The following TANC1 variants were observed in gnomAD, a reference collection of about 807,000 sequenced individuals.
TANC1 encodes the protein tetratricopeptide repeat, ankyrin repeat and coiled-coil containing 1, also known as protein TANC1.
Under a neutral mutation model 149.7 loss-of-function variants are expected in TANC1, and 77 were observed. The observed-to-expected ratio is 0.51, with a 90% CI of 0.43 to 0.62. The LOEUF (loss-of-function observed/expected upper bound fraction) is 0.62. Ranked by LOEUF, TANC1 falls within the 20% of genes least tolerant of loss-of-function variation. TANC1 has a pLI of 0.00. For synonymous variants in TANC1, 854 were observed against 925.0 expected (o/e 0.92, Z 1.39); for missense variants, 1,985 against 2,321.8 (o/e 0.85, Z 2.98).
At chr2:159,099,642 T>TA (rs1175630778) in intron 4 of TANC1, among the ~76,000 whole-genome samples, 2 of 152,114 alleles carry the variant, frequency 1.3e-5, no homozygotes, top group Non-Finnish European at 1.5e-5. Flanking sequence ...AGCATGCTAC[T>TA]AAGTTTAGCA....
rs964600314 is a variant in TANC1 at position 159,037,704 on chromosome 2, A to G, written c.-15-28192A>G. ...ATTTCTGAGGCCTCTGTTCTGTTCC[A>G]TTGGTCTATCTCTCTGTTTTGGTAC... On this transcript the variant is annotated intron_variant, in intron 2 of 26. Transcript: ENST00000263635. Among the ~76,000 whole-genome samples the G allele has an allele frequency of 3.3e-5, 5 of 152,080 alleles. 1 individual carries two copies. The highest frequency in any genetic ancestry group is 9.7e-5 in the African/African-American group (4 of 41,394).
rs1338825033 is a variant in TANC1 at position 158,984,400 on chromosome 2, TAA to T, written c.-126+15619_-126+15620del. Among the ~76,000 whole-genome samples the T allele has an allele frequency of 2.6e-5, 4 of 152,318 alleles. No homozygotes were observed. The East Asian group carries it at 5.8e-4, about 22-fold the overall frequency. On this transcript the variant is annotated intron_variant, in intron 1 of 26. Coordinates refer to ENST00000263635, the MANE Select transcript of TANC1 (RefSeq NM_033394.3). ...TCACAAGGCTTTTTTGCTTCCTTCA[TAA>T]GAGTGGTGTTAGCCAACTCAACAAA...
intron 2 of TANC1, among the ~76,000 whole-genome samples, chr2:159,020,233 C>T (rs945999423): frequency 2.6e-5 from 4 of 152,168 alleles, no homozygotes; most frequent in Non-Finnish European, 5.9e-5. Flanking sequence ...CCTGCCTCAG[C>T]CTCCTGAGTA....
chr2:159,011,190 A>G lies in TANC1; in HGVS notation c.-16+10001A>G, dbSNP rs536611349. On this transcript the variant is annotated intron_variant, in intron 2 of 26. Transcript: ENST00000263635. ...TGCTTGAGGTGGAATACATTGACCA[A>G]TGGCTGTAATAATGATATCAGTGAG... 1.6e-4 allele frequency among the ~76,000 whole-genome samples: 24 copies of G among 152,304 alleles called. 1 individual carries two copies. The South Asian group carries it at 4.1e-3, about 26-fold the overall frequency.
At chr2:159,184,830 T>G (rs1223673202) in intron 14 of TANC1, among the ~76,000 whole-genome samples, 1 of 152,180 alleles carries the variant, frequency 6.6e-6, no homozygotes, top group African/African-American at 2.4e-5. Context: ...AGTGTGGCCT[T>G]AAACGTCATG....
intron 2 of TANC1, among the ~76,000 whole-genome samples, chr2:159,064,583 G>A (rs78762617): frequency 2.0e-5 from 3 of 152,140 alleles, no homozygotes; most frequent in South Asian, 2.1e-4. Flanking sequence ...AATTAGCTTC[G>A]TGACCCCTGG....
chr2:159,108,251 T>C (rs150988684), intron 4 of TANC1, among the ~76,000 whole-genome samples: 22 of 152,160 alleles, frequency 1.4e-4, no homozygotes, highest in African/African-American at 5.3e-4. Flanking sequence ...CAAAAGGGAG[T>C]GTGTCTTCAA....
intron 25 of TANC1, 78 bp from the exon 26 acceptor site, chr2:159,228,718 T>TA: frequency 9.4e-7 from 1 of 1,058,796 alleles, no homozygotes; most frequent in East Asian, 2.4e-5. Flanking sequence ...CTGCTACCCT[T>TA]TAGAACAAAA....
chr2:159,077,444 C>T (rs560334707), intron 3 of TANC1, among the ~76,000 whole-genome samples: 12 of 152,252 alleles, frequency 7.9e-5, no homozygotes, highest in Admixed American at 3.3e-4. Context: ...TCTCTTTTCG[C>T]TCCCCAAAGG....
At chr2:159,180,239 C>T (rs2056339468) in intron 14 of TANC1, among the ~76,000 whole-genome samples, 1 of 152,176 alleles carries the variant, frequency 6.6e-6, no homozygotes, top group Non-Finnish European at 1.5e-5. Context: ...AAACTAACAT[C>T]CAGGTTATTT....
chr2:159,006,995 C>G (rs2037253463), intron 2 of TANC1, among the ~76,000 whole-genome samples: 1 of 152,126 alleles, frequency 6.6e-6, no homozygotes. Flanking sequence ...TGCAAAATTG[C>G]TTTTAAATTT....
chr2:158,973,379 T>C (rs1000397047), intron 1 of TANC1, among the ~76,000 whole-genome samples: 1 of 152,038 alleles, frequency 6.6e-6, no homozygotes, highest in African/African-American at 2.4e-5. Flanking sequence ...AGTAGGGAAG[T>C]CTCTCAGAAG....
intron 10 of TANC1, among the ~76,000 whole-genome samples, chr2:159,171,299 T>C (rs538371784): frequency 5.9e-5 from 9 of 152,232 alleles, no homozygotes; most frequent in Non-Finnish European, 1.3e-4. Flanking sequence ...ACTCTAAACA[T>C]GGTGAACAAG....
At chr2:159,082,931 A>G (rs183563752) in intron 3 of TANC1, among the ~76,000 whole-genome samples, 16 of 152,030 alleles carry the variant, frequency 1.1e-4, no homozygotes, top group African/African-American at 3.6e-4. Flanking sequence ...CCAAGCATCT[A>G]TTTTTATTTA....
In TANC1 at chr2:159,169,414, CTCAG is replaced by C. The variant is rs746081578; in HGVS notation, c.1069+48_1069+51del. ...CAGCTGCGATAATGGTTATGACTAA[CTCAG>C]TCAGTAACTTTGAAAGTCTGTGATA... On this transcript the variant is annotated intron_variant, in intron 9 of 26. Transcript: ENST00000263635. 3.6e-5 allele frequency: 57 copies of C among 1,599,908 alleles called. No individual in the cohort carries two copies. The East Asian group carries it at 1.2e-3, about 34-fold the overall frequency.
intron 2 of TANC1, among the ~76,000 whole-genome samples, chr2:159,027,999 G>A (rs925339927): frequency 6.6e-6 from 1 of 152,084 alleles, no homozygotes. Context: ...GCCCCATCCC[G>A]ATGACCTCAT....
At chr2:159,112,268 A>T (rs1373520937) in intron 4 of TANC1, among the ~76,000 whole-genome samples, 1 of 151,890 alleles carries the variant, frequency 6.6e-6, no homozygotes, top group African/African-American at 2.4e-5. Flanking sequence ...TGTTTTTGAG[A>T]CAGAGTCTCA....
intron 3 of TANC1, among the ~76,000 whole-genome samples, chr2:159,091,581 ATTTGTACG>A (rs2045546767): frequency 6.6e-6 from 1 of 152,200 alleles, no homozygotes; most frequent in African/African-American, 2.4e-5. Context: ...GATAAGGCAC[ATTTGTACG>A]TTTGGTTCTA....
At chr2:159,194,186 A>T (rs552272339) in intron 16 of TANC1, 71 bp from the exon 17 acceptor site, 1 of 1,236,742 alleles carries the variant, frequency 8.1e-7, no homozygotes, top group African/African-American at 1.5e-5. Context: ...AAAATTGAGG[A>T]TACTGCCCAT....
Sources: gnomAD v4.1 joint callset for allele counts (sites outside exome capture counted in the v4.1 genomes callset) on GRCh38, gnomAD v4.1.1 for gene constraint, MANE v1.5 for transcripts, NCBI Gene and HGNC (gene_info 2026-07-23, HGNC 2026-07-21) for gene names.